Variants in AGAP1 observed in about 807,000 individuals in gnomAD.
AGAP1 encodes arf-GAP with GTPase, ANK repeat and PH domain-containing protein 1.
A neutral mutation model predicts 105.3 loss-of-function variants in AGAP1; 29 were observed. That is an observed-to-expected ratio of 0.28 (90% confidence interval 0.21 to 0.38). AGAP1 has a LOEUF of 0.38. Ranked by LOEUF, AGAP1 falls within the 10% of genes least tolerant of loss-of-function variation. The probability of loss-of-function intolerance (pLI) is 1.00; values close to 1 mark genes in which losing one functional copy is unlikely to be tolerated. For missense variants in AGAP1, 998 were observed against 1,165.1 expected, an observed-to-expected ratio of 0.86 and a Z score of 2.09; for synonymous variants, 509 against 485.9, an observed-to-expected ratio of 1.05 and a Z score of -0.63.
intron 16 of AGAP1, 142 bp downstream of exon 16, chr2:236,049,423 T>C (rs761901913): frequency 1.4e-4 from 106 of 733,522 alleles, no homozygotes; most frequent in Admixed American, 3.7e-4. Flanking sequence ...GGCATAGGAA[T>C]GTCTGTGTTT....
intron 9 of AGAP1, among the ~76,000 whole-genome samples, chr2:235,827,916 G>C (rs1959160750): frequency 6.6e-6 from 1 of 152,232 alleles, no homozygotes; most frequent in Admixed American, 6.5e-5. Flanking sequence ...TGCGAGGGAG[G>C]CTGCACTGGC....
At chr2:235,746,082 C>T (rs1403980382) in intron 5 of AGAP1, among the ~76,000 whole-genome samples, 7 of 152,104 alleles carry the variant, frequency 4.6e-5, no homozygotes, top group East Asian at 1.9e-4. Flanking sequence ...GCTGAGATCA[C>T]GCCATTGCAC....
chr2:236,073,735 T>C lies in AGAP1; in HGVS notation c.2114+24454T>C, dbSNP rs151160205. Among the ~76,000 whole-genome samples, 294 of 152,304 alleles carry C rather than the reference T, an allele frequency of 1.9e-3. 1 individual carries two copies. The highest frequency in any genetic ancestry group is 6.3e-3 in the African/African-American group (261 of 41,580). ...AACCTTTTGTAACTTGTAACTTCAT[T>C]GGTGGTGGGGGTACAGGCAGGTCAG... On this transcript the variant is annotated intron_variant, in intron 16 of 17. Transcript: ENST00000304032. This position sits in a 1 kb window ranked among gnomAD's most constrained non-coding sequence, Gnocchi z 5.4.
intron 9 of AGAP1, among the ~76,000 whole-genome samples, chr2:235,809,399 C>T (rs1408306839): frequency 6.6e-6 from 1 of 152,054 alleles, no homozygotes; most frequent in East Asian, 1.9e-4. Context: ...GCTCCTTGTC[C>T]CTCCTAATTG....
In AGAP1 at chr2:235,664,699, G is replaced by A. The variant is rs1279737981; in HGVS notation, c.164-44480G>A. On this transcript the variant is annotated intron_variant, in intron 1 of 17. Transcript: ENST00000304032. This position sits in a 1 kb window ranked among gnomAD's most constrained non-coding sequence, Gnocchi z 5.7. The stretch of plus-strand genomic sequence containing the variant: ...AAGTGGAAATGAAGTCTCAGTGTGG[G>A]GTCCGATGCTTCCTATGGCTGCATG... Among the ~76,000 whole-genome samples, 1 of 152,164 alleles carries A rather than the reference G, an allele frequency of 6.6e-6. No individual in the cohort carries two copies. Among genetic ancestry groups the A allele is most frequent in the African/African-American group, 2.4e-5 (1 of 41,442 alleles).
In AGAP1 at chr2:235,705,959, T is replaced by C. The variant is rs1237793073; in HGVS notation, c.164-3220T>C. ...TCAGCAGTGCATTGATGAATAGAGCTCATTTTAATTCACAGTTTACCCTCT... is the reference window on the plus strand; with the variant it reads ...TCAGCAGTGCATTGATGAATAGAGCCCATTTTAATTCACAGTTTACCCTCT... On this transcript the variant is annotated intron_variant, in intron 1 of 17. Transcript: ENST00000304032. This position sits in a 1 kb window ranked among gnomAD's most constrained non-coding sequence, Gnocchi z 4.9. 6.6e-6 allele frequency among the ~76,000 whole-genome samples: 1 copy of C among 152,232 alleles called. No homozygotes were observed. Among genetic ancestry groups the C allele is most frequent in the South Asian group, 2.1e-4 (1 of 4,826 alleles).
rs1399366190 is a variant in AGAP1, at chr2:236,056,703, C to G, written c.2114+7422C>G. 6.6e-6 allele frequency among the ~76,000 whole-genome samples: 1 copy of G among 152,144 alleles called. No homozygotes were observed. The highest frequency in any genetic ancestry group is 1.5e-5 in the Non-Finnish European group (1 of 68,026). On this transcript the variant is annotated intron_variant, in intron 16 of 17. Transcript: ENST00000304032. This position sits in a 1 kb window ranked among gnomAD's most constrained non-coding sequence, Gnocchi z 4.6. ...CTTCTAGTGAACTTTTCTCTTTCTTCTTCTTAATGAAGAGGAGGGAGACAA... is the reference window on the plus strand; with the variant it reads ...CTTCTAGTGAACTTTTCTCTTTCTTGTTCTTAATGAAGAGGAGGGAGACAA...
chr2:235,723,836 C>T lies in AGAP1; in HGVS notation c.310+6192C>T, dbSNP rs1262235443. 6.6e-6 allele frequency among the ~76,000 whole-genome samples: 1 copy of T among 151,518 alleles called. No individual in the cohort carries two copies. The highest frequency in any genetic ancestry group is 1.5e-5 in the Non-Finnish European group (1 of 67,902). On this transcript the variant is annotated intron_variant, in intron 3 of 17. Coordinates refer to ENST00000304032, the MANE Select transcript of AGAP1 (RefSeq NM_001037131.3). The surrounding 1 kb of genome is among the most constrained non-coding windows in gnomAD (Gnocchi z 6.2). ...CAGAGACTTAAGAATGTTCATAGAC[C>T]AACTCCAAGCTGCAAAATGAAAGTA...
intron 1 of AGAP1, among the ~76,000 whole-genome samples, chr2:235,521,877 T>C (rs1418528485): frequency 6.6e-6 from 1 of 152,104 alleles, no homozygotes; most frequent in Non-Finnish European, 1.5e-5. Flanking sequence ...GGAGGATTGC[T>C]AAGTCAAAAG....
intron 1 of AGAP1, among the ~76,000 whole-genome samples, chr2:235,580,193 T>C (rs1944882666): frequency 6.6e-6 from 1 of 152,200 alleles, no homozygotes; most frequent in African/African-American, 2.4e-5. Context: ...CAGGGAACCA[T>C]GCAGCTATGA....
rs1425115102 is a variant in AGAP1, at chr2:236,121,463, G to A, written c.2370+1016G>A. On this transcript the variant is annotated intron_variant, in intron 17 of 17. Transcript: ENST00000304032. The surrounding 1 kb of genome is among the most constrained non-coding windows in gnomAD (Gnocchi z 4.9). Reference sequence around the variant, plus strand: ...TTACAGGTGCGCACCACCACGCCCAGCTAATTTTTGTATTTTTAGTAGAGA... The same window carrying A: ...TTACAGGTGCGCACCACCACGCCCAACTAATTTTTGTATTTTTAGTAGAGA... Among the ~76,000 whole-genome samples, 1 of 152,108 alleles carries A rather than the reference G, an allele frequency of 6.6e-6. No individual in the cohort carries two copies. Among genetic ancestry groups the A allele is most frequent in the African/African-American group, 2.4e-5 (1 of 41,424 alleles).
At chr2:235,699,268 C>T (rs1445663493) in intron 1 of AGAP1, among the ~76,000 whole-genome samples, 1 of 152,072 alleles carries the variant, frequency 6.6e-6, no homozygotes, top group African/African-American at 2.4e-5. Flanking sequence ...CTTGGGGAGA[C>T]CTCCTGTAGA....
intron 1 of AGAP1, among the ~76,000 whole-genome samples, chr2:235,521,994 C>T (rs1432879589): frequency 1.3e-5 from 2 of 152,088 alleles, no homozygotes; most frequent in Non-Finnish European, 2.9e-5. Flanking sequence ...TGCTGTCAAA[C>T]TATTGGATGT....
intron 1 of AGAP1, among the ~76,000 whole-genome samples, chr2:235,676,779 A>G (rs1422274432): frequency 1.3e-5 from 2 of 152,244 alleles, no homozygotes; most frequent in East Asian, 1.9e-4. Flanking sequence ...TGAAACAATT[A>G]TATTAACTTA....
In AGAP1 at chr2:235,930,897, T is replaced by C; in HGVS notation, c.1457T>C (p.Val486Ala). The change falls in exon 12 of 18, where the codon GTC becomes GCC. Residue 486 changes from valine (V) to alanine (A), a missense_variant. Transcript: ENST00000304032. This position sits in a 1 kb window ranked among gnomAD's most constrained non-coding sequence, Gnocchi z 7.9. ...GCCGACCAGTGGAGTGAGGCTACGG[T>C]CATTGCAAACTCGGCCATCAGCAGT... is the stretch of plus-strand genomic sequence containing the variant. The part of the protein sequence containing the change: ...SSADQWSEAT[V>A]IANSAISSDT... The C allele has an allele frequency of 6.2e-7, 1 of 1,613,876 alleles. No homozygotes were observed. Among genetic ancestry groups the C allele is most frequent in the Non-Finnish European group, 8.5e-7 (1 of 1,179,936 alleles).
intron 5 of AGAP1, among the ~76,000 whole-genome samples, chr2:235,748,297 G>A (rs547874270): frequency 5.9e-5 from 9 of 152,200 alleles, no homozygotes; most frequent in Non-Finnish European, 1.3e-4. Context: ...TTGCTCGGCC[G>A]CAGGTCAGGG....
At chr2:235,890,793 T>C (rs2050501224) in intron 10 of AGAP1, among the ~76,000 whole-genome samples, 1 of 152,136 alleles carries the variant, frequency 6.6e-6, no homozygotes, top group African/African-American at 2.4e-5. Flanking sequence ...GACATTGTCT[T>C]CTAGGTCACT....
intron 9 of AGAP1, among the ~76,000 whole-genome samples, chr2:235,876,008 T>A (rs2049706344): frequency 6.6e-6 from 1 of 152,222 alleles, no homozygotes; most frequent in African/African-American, 2.4e-5. Flanking sequence ...GTAGTTGTTC[T>A]ATGTCAGACC....
At position 235,993,717 on chromosome 2, in the gene AGAP1, A is replaced by G. The variant is rs1269234678; in HGVS notation, c.1645+25094A>G. Among the ~76,000 whole-genome samples the G allele has an allele frequency of 6.6e-6, 1 of 152,168 alleles. No homozygotes were observed. Among genetic ancestry groups the G allele is most frequent in the Non-Finnish European group, 1.5e-5 (1 of 68,026 alleles). ...GGAACGCTTCCTTTGAAAATACCCT[A>G]GTTTAACTTAAACTCTTTCTTACCA... On this transcript the variant is annotated intron_variant, in intron 13 of 17. Transcript: ENST00000304032. The surrounding 1 kb of genome is among the most constrained non-coding windows in gnomAD (Gnocchi z 5.0).
Sources: gnomAD v4.1 joint callset for allele counts (sites outside exome capture counted in the v4.1 genomes callset) on GRCh38, gnomAD v4.1.1 for gene constraint, Gnocchi (gnomAD v3.1) non-coding constraint, MANE v1.5 for transcripts, NCBI Gene and HGNC (gene_info 2026-07-23, HGNC 2026-07-21) for gene names.